The following DDAH1 variants were observed in gnomAD, a reference collection of about 807,000 sequenced individuals.
DDAH1 encodes N(G),N(G)-dimethylarginine dimethylaminohydrolase 1.
Under a neutral mutation model 28.8 loss-of-function variants are expected in DDAH1, and 19 were observed. The observed-to-expected ratio is 0.66, with a 90% CI of 0.46 to 0.97. The LOEUF is 0.97. Among genes scored for constraint, DDAH1 ranks in the 50% least tolerant of loss-of-function variants. The pLI is 0.00. For synonymous variants in DDAH1, 153 were observed against 154.4 expected (o/e 0.99, Z 0.07); for missense variants, 326 against 375.9 (o/e 0.87, Z 1.10).
At position 85,476,141 on chromosome 1, in the gene DDAH1, C is replaced by T. The variant is rs377437603; in HGVS notation, c.-7+20025G>A. Among the ~76,000 whole-genome samples the T allele has an allele frequency of 5.3e-5, 8 of 152,318 alleles. No individual in the cohort carries two copies. In the East Asian group the frequency reaches 1.2e-3, roughly 22 times the overall value. On this transcript the variant is annotated intron_variant, in intron 2 of 6. Transcript: ENST00000426972. ...CCTCCCAAAGTGCTGGGATTACAGG[C>T]GTGAGCCACCATGTCCAGCCTCAAG...
chr1:85,369,726 T>A (rs949057300), intron 1 of DDAH1, among the ~76,000 whole-genome samples: 2 of 152,156 alleles, frequency 1.3e-5, no homozygotes, highest in African/African-American at 4.8e-5. Flanking sequence ...TATGGAGAGA[T>A]AGGCAATAAA....
Position 85,321,294 on chromosome 1 carries a change from G to A in DDAH1, c.*158C>T, listed in dbSNP as rs233115. The A allele has an allele frequency of 0.35, 210,574 of 606,140 alleles. 37,435 individuals carry two copies. Among genetic ancestry groups the A allele is most frequent in the South Asian group, 0.4 (18,291 of 45,908 alleles). 37.5% of individuals were successfully genotyped at this position (606,140 alleles called of 1,614,324 possible). On this transcript the variant is annotated 3_prime_UTR_variant, in exon 6 of 6. Coordinates refer to ENST00000284031, the MANE Select transcript of DDAH1 (RefSeq NM_012137.4). ...CCACCTCGAGGGGAGGGAGGGTGGG[G>A]GTGTTGAATGAAGCAATTCAACTTA...
chr1:85,404,040 GC>G (rs1170791972), intron 1 of DDAH1, among the ~76,000 whole-genome samples: 1 of 152,010 alleles, frequency 6.6e-6, no homozygotes, highest in African/African-American at 2.4e-5. Context: ...TATTCCTCCT[GC>G]CACTTTTAGT....
chr1:85,575,065 C>A (rs1659564974), intron 1 of DDAH1, among the ~76,000 whole-genome samples: 1 of 151,536 alleles, frequency 6.6e-6, no homozygotes, highest in African/African-American at 2.4e-5. Context: ...CATGGGGAGA[C>A]CCCATCTCTA....
intron 1 of DDAH1, among the ~76,000 whole-genome samples, chr1:85,538,871 GCTTTT>G (rs1366359748): frequency 3.9e-5 from 6 of 152,272 alleles, no homozygotes; most frequent in African/African-American, 1.4e-4. Context: ...CTGTTGGCCA[GCTTTT>G]CTTTTCTCTT....
intron 1 of DDAH1, among the ~76,000 whole-genome samples, chr1:85,460,314 C>T (rs557186780): frequency 2.0e-4 from 31 of 152,296 alleles, no homozygotes; most frequent in African/African-American, 7.5e-4. Context: ...ATTATATTCC[C>T]CATCCCTTCC....
chr1:85,363,696 A>T (rs758414705), intron 1 of DDAH1, among the ~76,000 whole-genome samples: 17 of 152,194 alleles, frequency 1.1e-4, no homozygotes, highest in South Asian at 6.2e-4. Flanking sequence ...CAAAATCACT[A>T]TATTGTCTGA....
At chr1:85,441,017 CTAAA>C (rs1481864216) in intron 1 of DDAH1, among the ~76,000 whole-genome samples, 4 of 152,348 alleles carry the variant, frequency 2.6e-5, no homozygotes, top group Non-Finnish European at 2.9e-5. Context: ...ACCCCAACTT[CTAAA>C]TAAAGTGGCA....
intron 4 of DDAH1, among the ~76,000 whole-genome samples, chr1:85,346,808 T>C (rs931379324): frequency 6.6e-6 from 1 of 152,152 alleles, no homozygotes; most frequent in Non-Finnish European, 1.5e-5. Context: ...CAAAAGAAAC[T>C]ATCATCGGAG....
chr1:85,525,015 CTGTT>C (rs1291241052), intron 1 of DDAH1, among the ~76,000 whole-genome samples: 1 of 119,520 alleles, frequency 8.4e-6, no homozygotes, highest in Non-Finnish European at 1.9e-5. Flanking sequence ...TAAAGAATAT[CTGTT>C]TGTGTCTTGA....
At chr1:85,400,318 A>G (rs1652029666) in intron 1 of DDAH1, among the ~76,000 whole-genome samples, 1 of 148,580 alleles carries the variant, frequency 6.7e-6, no homozygotes, top group Non-Finnish European at 1.5e-5. Context: ...CAATCTCCTG[A>G]GTAGCTGGGA....
chr1:85,388,711 G>A (rs1326688047), intron 1 of DDAH1, among the ~76,000 whole-genome samples: 1 of 152,184 alleles, frequency 6.6e-6, no homozygotes, highest in Non-Finnish European at 1.5e-5. Flanking sequence ...AATCCTAGTA[G>A]ATAGTAATAC....
At chr1:85,374,958 C>T (rs1265659893) in intron 1 of DDAH1, among the ~76,000 whole-genome samples, 2 of 152,022 alleles carry the variant, frequency 1.3e-5, no homozygotes, top group Non-Finnish European at 2.9e-5. Context: ...AGCAGAGATA[C>T]AGACTTTTAT....
At chr1:85,378,542 G>A (rs1411070425) in intron 1 of DDAH1, among the ~76,000 whole-genome samples, 2 of 152,114 alleles carry the variant, frequency 1.3e-5, no homozygotes, top group Non-Finnish European at 2.9e-5. Flanking sequence ...CCTAGTAGCT[G>A]GGACCATAAG....
rs1658346530 is a variant in DDAH1, at chr1:85,537,962, CT to C, written c.-123+40021del. 2.0e-5 allele frequency among the ~76,000 whole-genome samples: 3 copies of C among 152,122 alleles called. No homozygotes were observed. The South Asian group carries it at 6.2e-4, about 31-fold the overall frequency. On this transcript the variant is annotated intron_variant, in intron 1 of 6. Coordinates refer to the DDAH1 transcript ENST00000426972. ...TGGTAAAGCCAATTCTGCTTTTACA[CT>C]TAAAACCCACACATTAACAGTCAGG...
At chr1:85,443,639 T>C (rs1439829409) in intron 1 of DDAH1, among the ~76,000 whole-genome samples, 2 of 152,240 alleles carry the variant, frequency 1.3e-5, no homozygotes, top group African/African-American at 4.8e-5. Context: ...TTTCACAATA[T>C]TGATTCTTCC....
chr1:85,576,464 A>T (rs1659607530), intron 1 of DDAH1, among the ~76,000 whole-genome samples: 1 of 152,126 alleles, frequency 6.6e-6, no homozygotes, highest in South Asian at 2.1e-4. Context: ...GCCAGGAGAA[A>T]CCGAGAGCCA....
chr1:85,325,102 A>G (rs2100788488), intron 4 of DDAH1, among the ~76,000 whole-genome samples: 1 of 146,102 alleles, frequency 6.8e-6, no homozygotes, highest in South Asian at 2.3e-4. Context: ...TTGCTCTTTA[A>G]AAGTATGTGT....
At chr1:85,398,928 C>G (rs1311347636) in intron 1 of DDAH1, 1 of 152,146 alleles carries the variant, frequency 6.6e-6, no homozygotes, top group African/African-American at 2.4e-5. Context: ...CCTAATATCC[C>G]TAATGCAACT....
Sources: gnomAD v4.1 joint callset for allele counts (sites outside exome capture counted in the v4.1 genomes callset) on GRCh38, gnomAD v4.1.1 for gene constraint, MANE v1.5 for transcripts, NCBI Gene and HGNC (gene_info 2026-07-23, HGNC 2026-07-21) for gene names.